Variants in SMCHD1 observed in about 807,000 individuals in gnomAD.
SMCHD1 encodes structural maintenance of chromosomes flexible hinge domain-containing protein 1.
A neutral mutation model predicts 254.7 loss-of-function variants in SMCHD1; 78 were observed. That is an observed-to-expected ratio of 0.31 (90% CI 0.26 to 0.37). The LOEUF (loss-of-function observed/expected upper bound fraction) is 0.37, where lower values mean the gene tolerates loss of function less well. Among genes scored for constraint, SMCHD1 ranks in the 10% least tolerant of loss-of-function variants. The pLI, the probability that SMCHD1 is intolerant of heterozygous loss-of-function variation, is 1.00. For missense variants in SMCHD1, 1,840 were observed against 2,408.1 expected, an observed-to-expected ratio of 0.76 and a Z score of 4.94; for synonymous variants, 766 against 794.9, an observed-to-expected ratio of 0.96 and a Z score of 0.61.
intron 39 of SMCHD1, among the ~76,000 whole-genome samples, chr18:2,770,878 C>T (rs537494122): frequency 6.6e-6 from 1 of 152,126 alleles, no homozygotes; most frequent in South Asian, 2.1e-4. Flanking sequence ...ACCTTGGCCC[C>T]CACAAAGTGC....
At chr18:2,785,003 C>T in intron 45 of SMCHD1, 1 of 337,288 alleles carries the variant, frequency 3.0e-6, no homozygotes, top group South Asian at 2.4e-5. Context: ...TATTTTATTA[C>T]ATAATCATAA....
intron 37 of SMCHD1, among the ~76,000 whole-genome samples, chr18:2,765,520 C>T (rs1195000329): frequency 6.6e-6 from 1 of 152,148 alleles, no homozygotes; most frequent in African/African-American, 2.4e-5. Flanking sequence ...CAGTGACTGA[C>T]CAGTACAGCA....
intron 5 of SMCHD1, among the ~76,000 whole-genome samples, chr18:2,684,516 G>A (rs1040224032): frequency 1.3e-5 from 2 of 151,742 alleles, no homozygotes; most frequent in Non-Finnish European, 2.9e-5. Context: ...TTTCTTTTAC[G>A]CTATAGATAT....
chr18:2,734,672 A>C (rs571064630), intron 25 of SMCHD1, among the ~76,000 whole-genome samples: 3 of 151,250 alleles, frequency 2.0e-5, no homozygotes, highest in Admixed American at 2.0e-4. Context: ...TTAATACAAT[A>C]AAGAACAGAG....
chr18:2,661,542 CTG>C (rs1184794297), intron 1 of SMCHD1, among the ~76,000 whole-genome samples: 1 of 149,380 alleles, frequency 6.7e-6, no homozygotes, highest in African/African-American at 2.6e-5. Flanking sequence ...GATTAAACAT[CTG>C]TGGGTTTTTA....
At chr18:2,738,358 C>CA (rs1568274950) in intron 25 of SMCHD1, 39 bp from the exon 26 acceptor site, 22 of 1,512,758 alleles carry the variant, frequency 1.5e-5, no homozygotes, top group African/African-American at 7.0e-5. Flanking sequence ...GAACATTAGA[C>CA]GAAGCTTTAT....
intron 5 of SMCHD1, among the ~76,000 whole-genome samples, chr18:2,681,580 A>C (rs1297733249): frequency 5.0e-5 from 3 of 60,400 alleles, no homozygotes; most frequent in Admixed American, 3.9e-4. Flanking sequence ...GTGAGATCCT[A>C]TCTCTCAAAA....
At position 2,703,800 on chromosome 18, in the gene SMCHD1, C is replaced by G; in HGVS notation, c.1756C>G (p.Pro586Ala). 6.2e-7 allele frequency: 1 copy of G among 1,612,912 alleles called. No homozygotes were observed. The highest frequency in any genetic ancestry group is 8.5e-7 in the Non-Finnish European group (1 of 1,179,252). Residue 586 changes from proline (P) to alanine (A), a missense_variant, in exon 13 of 48, where the codon CCT (proline) becomes GCT (alanine). By Grantham distance (27) the Pro-to-Ala change is conservative. Coordinates refer to ENST00000320876, the MANE Select transcript of SMCHD1 (RefSeq NM_015295.3). ...FTLFKGVITR[P>A]DLPSKKQGPW... The stretch of plus-strand genomic sequence containing the variant: ...ACTTTTTAAGGGAGTAATTACACGT[C>G]CTGATCTTCCTTCTAAAAAGCAAGG...
In SMCHD1 at chr18:2,656,056, C is replaced by G. The variant is rs1196212273; in HGVS notation, c.-20C>G. On this transcript the variant is annotated 5_prime_UTR_variant, in exon 1 of 48. Transcript: ENST00000320876. ...GCCCGGCGGCGGCAGGCGTCGCTGT[C>G]TTTTCTCCTTTTCCCCAATATGGCA... is the stretch of plus-strand genomic sequence containing the variant. 1.5e-6 allele frequency: 2 copies of G among 1,354,854 alleles called. No individual in the cohort carries two copies. Among genetic ancestry groups the G allele is most frequent in the Non-Finnish European group, 1.9e-6 (2 of 1,048,798 alleles). 83.9% of individuals were successfully genotyped at this position (1,354,854 alleles called of 1,614,324 possible).
chr18:2,656,300 TGGG>T, intron 1 of SMCHD1, 39 bp downstream of exon 1: 1 of 1,425,392 alleles, frequency 7.0e-7, no homozygotes, highest in Non-Finnish European at 9.1e-7. Context: ...CGTGTAGACT[TGGG>T]GGCGGGAGGG....
intron 34 of SMCHD1, among the ~76,000 whole-genome samples, chr18:2,757,476 A>G (rs1409873340): frequency 5.3e-5 from 8 of 152,096 alleles, no homozygotes; most frequent in African/African-American, 1.9e-4. Context: ...CAGCTTCCCA[A>G]AGTGCTGATT....
intron 34 of SMCHD1, among the ~76,000 whole-genome samples, chr18:2,756,018 T>G (rs965623148): frequency 1.3e-5 from 2 of 152,048 alleles, no homozygotes; most frequent in African/African-American, 4.8e-5. Flanking sequence ...TGCTTTAGAG[T>G]TTTTCTTTTA....
chr18:2,800,820 A>G (rs992527633), intron 47 of SMCHD1: 9 of 152,196 alleles, frequency 5.9e-5, no homozygotes, highest in African/African-American at 1.9e-4. Context: ...TAATTGTACA[A>G]CTAACAGTCA....
At chr18:2,694,758 A>G in intron 8 of SMCHD1, 65 bp downstream of exon 8, 2 of 1,380,226 alleles carry the variant, frequency 1.4e-6, no homozygotes, top group South Asian at 1.2e-5. Context: ...AAAACATTAC[A>G]GATATATTGA....
At position 2,722,642 on chromosome 18, in the gene SMCHD1, T is replaced by G; in HGVS notation, c.2582T>G (p.Ile861Ser). ...FGHTSQLVTD[I>S]QPVLEASGLS... ...CATACCAGTCAACTAGTAACTGATA[T>G]TCAGCCAGTTCTTGAAGCAAGGTAA... The change falls in exon 20 of 48, where the codon ATT becomes AGT. Residue 861 changes from isoleucine (I) to serine (S), a missense_variant. Physicochemically the swap from Ile to Ser is moderately radical, Grantham distance 142 (BLOSUM62 -2). Around this residue, in one of 9 missense-constraint regions of SMCHD1, gnomAD observed 59 missense variants for 99.2 expected, o/e 0.59. Transcript: ENST00000320876. 1 of 1,611,194 alleles carries G rather than the reference T, an allele frequency of 6.2e-7. No homozygotes were observed. The highest frequency in any genetic ancestry group is 1.1e-5 in the South Asian group (1 of 90,040).
rs671942 is a variant in SMCHD1, at chr18:2,724,930, A to G, written c.2635A>G (p.Lys879Glu). ...GLSLHYEEIT[K>E]GPNCVIRGVT... is the part of the protein sequence containing the mutation. ...ATCTTTACATTATGAAGAAATAACC[A>G]AAGGACCAAATTGTGTAATTCGAGG... The change falls in exon 21 of 48, where the codon AAA becomes GAA. Residue 879 changes from lysine to glutamate, a missense_variant. Physicochemically the swap from Lys to Glu is moderately conservative, Grantham distance 56. This residue lies in a region of SMCHD1 where 881 missense variants were observed against 1,009.5 expected (regional missense o/e 0.87). Coordinates refer to ENST00000320876, the MANE Select transcript of SMCHD1 (RefSeq NM_015295.3). The G allele has an allele frequency of 5.6e-5, 89 of 1,591,656 alleles. No individual in the cohort carries two copies. The highest frequency in any genetic ancestry group is 3.3e-4 in the Middle Eastern group (2 of 6,020).
At chr18:2,692,074 G>A (rs1043280252) in intron 7 of SMCHD1, among the ~76,000 whole-genome samples, 11 of 152,232 alleles carry the variant, frequency 7.2e-5, no homozygotes, top group African/African-American at 2.4e-4. Context: ...AAACTAATTT[G>A]CATCCACAAT....
chr18:2,697,082 C>T lies in SMCHD1; in HGVS notation c.1091C>T (p.Thr364Ile). ...GGCCCAAAAGGAAATGAAATACGAA[C>T]ATCAAAAGAAGTTGAACCTTTCAAC... The part of the protein sequence containing the change: ...IHGPKGNEIR[T>I]SKEVEPFNNI... The change falls in exon 9 of 48, where the codon ACA (threonine) becomes ATA (isoleucine). Residue 364 changes from threonine (T) to isoleucine (I), a missense_variant. Physicochemically the swap from Thr to Ile is moderately conservative, Grantham distance 89. Coordinates refer to ENST00000320876, the MANE Select transcript of SMCHD1 (RefSeq NM_015295.3). 1.3e-6 allele frequency: 2 copies of T among 1,506,578 alleles called. No individual in the cohort carries two copies. Among genetic ancestry groups the T allele is most frequent in the Non-Finnish European group, 1.8e-6 (2 of 1,120,358 alleles). The allele number at this position is 1,506,578 out of a possible 1,614,324, so 93.3% of individuals were successfully genotyped here.
At chr18:2,799,844 G>A (rs1250481918) in intron 47 of SMCHD1, among the ~76,000 whole-genome samples, 2 of 151,672 alleles carry the variant, frequency 1.3e-5, no homozygotes, top group Non-Finnish European at 2.9e-5. Flanking sequence ...CAGGCCTCCT[G>A]TAAATCTGCC....
Sources: allele counts gnomAD v4.1 joint callset (sites outside exome capture counted in the v4.1 genomes callset), GRCh38; gene constraint gnomAD v4.1.1; regional missense constraint gnomAD v4.1.1; transcripts MANE v1.5; gene names NCBI Gene and HGNC (gene_info 2026-07-23, HGNC 2026-07-21).